The following ADGRG6 variants were observed in gnomAD, a reference collection of about 807,000 sequenced individuals.
The protein encoded by ADGRG6 is adhesion G protein-coupled receptor G6, also known as G-protein coupled receptor 126.
A neutral mutation model predicts 142.4 loss-of-function variants in ADGRG6; 84 were observed. The ratio of observed to expected loss-of-function variants is 0.59; its 90% CI spans 0.49 to 0.71. The LOEUF is 0.71. ADGRG6 is among the 30% of genes least tolerant of loss of function. ADGRG6 has a pLI of 0.00. For missense variants in ADGRG6, 1,367 were observed against 1,466.6 expected (o/e 0.93, Z 1.11); for synonymous variants, 521 against 520.5 (o/e 1.00, Z -0.01).
intron 4 of ADGRG6, among the ~76,000 whole-genome samples, chr6:142,377,681 T>C (rs907804177): frequency 7.9e-5 from 12 of 152,242 alleles, no homozygotes; most frequent in African/African-American, 2.9e-4. Flanking sequence ...GGAGAGTGGA[T>C]TGTTTGTTCT....
chr6:142,381,695 A>G (rs1781779075), intron 4 of ADGRG6, among the ~76,000 whole-genome samples: 1 of 152,200 alleles, frequency 6.6e-6, no homozygotes, highest in East Asian at 1.9e-4. Flanking sequence ...CACAAACTTT[A>G]AGGGGCAGTG....
chr6:142,444,155 G>A lies in ADGRG6; in HGVS notation c.*640G>A, dbSNP rs1777882219. ...CAAAATGTTGACCTAGTTAAATGAG[G>A]CTATATAAATTTCTAATATTTTACT... On this transcript the variant is annotated 3_prime_UTR_variant, in exon 25 of 25. Coordinates refer to ENST00000367609, the MANE Select transcript of ADGRG6 (RefSeq NM_198569.3). 6.6e-6 allele frequency: 1 copy of A among 152,138 alleles called. No homozygotes were observed. The highest frequency in any genetic ancestry group is 6.5e-5 in the Admixed American group (1 of 15,268). The allele number at this position is 152,138 out of a possible 1,614,324, so 9.4% of individuals were successfully genotyped here. A position where few individuals can be genotyped will look rare whatever the true frequency, so the allele number is the denominator to read the frequency against.
At chr6:142,380,157 T>C (rs9496359) in intron 4 of ADGRG6, among the ~76,000 whole-genome samples, 2,103 of 152,278 alleles carry the variant, frequency 0.014, 60 homozygotes, top group African/African-American at 0.048. Flanking sequence ...GATTTTTTCA[T>C]GCAGATGAAG....
At chr6:142,428,747 T>C (rs951992022) in intron 22 of ADGRG6, among the ~76,000 whole-genome samples, 1 of 152,190 alleles carries the variant, frequency 6.6e-6, no homozygotes, top group Non-Finnish European at 1.5e-5. Flanking sequence ...ACCATCCCCA[T>C]GATCCAGTCA....
At chr6:142,420,594 A>G (rs1262211851) in intron 22 of ADGRG6, among the ~76,000 whole-genome samples, 1 of 152,164 alleles carries the variant, frequency 6.6e-6, no homozygotes, top group Non-Finnish European at 1.5e-5. Context: ...CTTTGATTTC[A>G]GAATAAATAC....
At chr6:142,436,040 G>C (rs1161862428) in intron 22 of ADGRG6, among the ~76,000 whole-genome samples, 2 of 152,110 alleles carry the variant, frequency 1.3e-5, no homozygotes, top group Non-Finnish European at 2.9e-5. Context: ...AGGACATCTG[G>C]GATGTGAGAT....
intron 6 of ADGRG6, among the ~76,000 whole-genome samples, chr6:142,386,655 C>T (rs1782042542): frequency 6.6e-6 from 1 of 152,194 alleles, no homozygotes; most frequent in African/African-American, 2.4e-5. Flanking sequence ...TATTGTCGTG[C>T]ATTTATATGA....
intron 2 of ADGRG6, among the ~76,000 whole-genome samples, chr6:142,318,279 A>ATATATATTTATAT (rs1778320210): frequency 1.8e-5 from 1 of 55,298 alleles, no homozygotes; most frequent in Non-Finnish European, 2.9e-5. Context: ...TATTTATATT[A>ATATATATTTATAT]TATATATTTA....
chr6:142,366,630 C>G (rs1170537242), intron 2 of ADGRG6, among the ~76,000 whole-genome samples: 1 of 151,898 alleles, frequency 6.6e-6, no homozygotes, highest in Admixed American at 6.6e-5. Flanking sequence ...TGGTGCACAC[C>G]TGTAATCCTA....
chr6:142,373,532 G>A (rs1328857402), intron 4 of ADGRG6, among the ~76,000 whole-genome samples: 1 of 152,200 alleles, frequency 6.6e-6, no homozygotes, highest in Non-Finnish European at 1.5e-5. Context: ...AACAGGCCAT[G>A]CATTTTTGTT....
At chr6:142,432,692 G>A (rs913315294) in intron 22 of ADGRG6, among the ~76,000 whole-genome samples, 1 of 152,114 alleles carries the variant, frequency 6.6e-6, no homozygotes, top group Non-Finnish European at 1.5e-5. Context: ...CTAAAAAATT[G>A]TTTTATTAAG....
chr6:142,351,847 CA>C (rs1249615057), intron 2 of ADGRG6, among the ~76,000 whole-genome samples: 1 of 151,872 alleles, frequency 6.6e-6, no homozygotes, highest in African/African-American at 2.4e-5. Context: ...GATTGGCAAG[CA>C]AAAAACAACC....
intron 10 of ADGRG6, among the ~76,000 whole-genome samples, chr6:142,400,251 A>G (rs566674839): frequency 2.6e-5 from 4 of 152,202 alleles, no homozygotes; most frequent in South Asian, 4.2e-4. Context: ...TTTTTTACTT[A>G]AGGTTTTGTC....
chr6:142,386,668 A>T (rs955909516), intron 6 of ADGRG6, among the ~76,000 whole-genome samples: 5 of 152,182 alleles, frequency 3.3e-5, no homozygotes, highest in African/African-American at 1.2e-4. Context: ...TTATATGATT[A>T]TCTTATACTT....
intron 23 of ADGRG6, 130 bp from the exon 24 acceptor site, chr6:142,438,082 C>T (rs961771050): frequency 3.5e-6 from 2 of 576,918 alleles, no homozygotes; most frequent in Non-Finnish European, 6.0e-6. Flanking sequence ...ATGTCAGTCT[C>T]TTCTCTGAGC....
At chr6:142,420,595 G>A (rs1448565812) in intron 22 of ADGRG6, among the ~76,000 whole-genome samples, 1 of 152,024 alleles carries the variant, frequency 6.6e-6, no homozygotes, top group Non-Finnish European at 1.5e-5. Context: ...TTTGATTTCA[G>A]AATAAATACC....
chr6:142,353,198 GGGCTCCCACCCAAGCTAAA>G (rs1182178832), intron 2 of ADGRG6, among the ~76,000 whole-genome samples: 2 of 151,628 alleles, frequency 1.3e-5, no homozygotes, highest in African/African-American at 4.8e-5. Context: ...CCCAAGCTAT[GGGCTCCCACCCAAGCTAAA>G]GGCTCCCACC....
chr6:142,420,129 T>C, intron 22 of ADGRG6, 25 bp downstream of exon 22: 2 of 1,562,860 alleles, frequency 1.3e-6, no homozygotes, highest in Non-Finnish European at 1.8e-6. Context: ...ACATGAATAG[T>C]CTCTGCTTTC....
chr6:142,346,033 G>A (rs1384344095), intron 2 of ADGRG6, among the ~76,000 whole-genome samples: 10 of 152,148 alleles, frequency 6.6e-5, no homozygotes, highest in African/African-American at 2.4e-4. Flanking sequence ...TAGTTCCTGT[G>A]AAGGGAAATC....
Sources: allele counts gnomAD v4.1 joint callset (sites outside exome capture counted in the v4.1 genomes callset), GRCh38; gene constraint gnomAD v4.1.1; transcripts MANE v1.5; gene names NCBI Gene and HGNC (gene_info 2026-07-23, HGNC 2026-07-21).